PIEZO1: variants seen among roughly 807,000 people sequenced by gnomAD.
PIEZO1 encodes piezo type mechanosensitive ion channel component 1 (Er blood group), also known as piezo-type mechanosensitive ion channel component 1.
A neutral mutation model predicts 297.2 loss-of-function variants in PIEZO1; 296 were observed. The ratio of observed to expected loss-of-function variants is 1.00; its 90% CI spans 0.91 to 1.10. The LOEUF is 1.10. PIEZO1 is among the 50% of genes least tolerant of loss of function. The probability of loss-of-function intolerance (pLI) is 0.00; values close to 1 mark genes in which losing one functional copy is unlikely to be tolerated. For missense variants in PIEZO1, 5,018 were observed against 3,455.5 expected, an observed-to-expected ratio of 1.45 and a Z score of -11.34; for synonymous variants, 2,427 against 1,507.5, an observed-to-expected ratio of 1.61 and a Z score of -14.13.
At chr16:88,722,194 G>C (rs911934038) in intron 36 of PIEZO1, 24 bp downstream of exon 36, 3 of 1,539,986 alleles carry the variant, frequency 1.9e-6, no homozygotes, top group South Asian at 2.4e-5. Context: ...GGTGAGGCTG[G>C]TGTTGTGCGC....
At chr16:88,750,171 CA>C (rs532143931) in intron 1 of PIEZO1, among the ~76,000 whole-genome samples, 2 of 150,130 alleles carry the variant, frequency 1.3e-5, no homozygotes, top group Non-Finnish European at 3.0e-5. Context: ...CCTGTCTTGA[CA>C]AAAAAATACA....
intron 1 of PIEZO1, among the ~76,000 whole-genome samples, chr16:88,783,898 C>G (rs1050937220): frequency 6.6e-6 from 1 of 152,228 alleles, no homozygotes; most frequent in Non-Finnish European, 1.5e-5. Context: ...GGCAAGGGCT[C>G]CGAAAGGGCT....
At chr16:88,757,327 T>TGGGGGGGGGGGGG (rs200851830) in intron 1 of PIEZO1, among the ~76,000 whole-genome samples, 23 of 42,674 alleles carry the variant, frequency 5.4e-4, no homozygotes, top group East Asian at 9.7e-4. Flanking sequence ...GGCGGGGGGG[T>TGGGGGGGGGGGGG]GGGGGGTAGT....
chr16:88,749,612 G>T, intron 1 of PIEZO1, 133 bp from the exon 2 acceptor site: 2 of 652,688 alleles, frequency 3.1e-6, no homozygotes, highest in Non-Finnish European at 5.1e-6. Flanking sequence ...CTGAGCCAGA[G>T]CCGTGGAAGC....
chr16:88,773,190 C>G (rs191668827), intron 1 of PIEZO1, among the ~76,000 whole-genome samples: 4 of 152,242 alleles, frequency 2.6e-5, no homozygotes, highest in African/African-American at 7.2e-5. Flanking sequence ...TGAGCCTCCC[C>G]CTCTGGCCCC....
intron 1 of PIEZO1, among the ~76,000 whole-genome samples, chr16:88,766,307 C>G (rs77131058): frequency 1.3e-5 from 2 of 152,208 alleles, no homozygotes; most frequent in Non-Finnish European, 2.9e-5. Context: ...CAGAGAAGCC[C>G]GGCCTGAGCG....
chr16:88,733,204 G>A, intron 19 of PIEZO1, 74 bp downstream of exon 19: 3 of 1,365,928 alleles, frequency 2.2e-6, no homozygotes, highest in East Asian at 2.5e-5. Flanking sequence ...TGAGGCAGCT[G>A]CCCCAGGAGG....
chr16:88,747,065 G>A (rs1253335551), intron 2 of PIEZO1, among the ~76,000 whole-genome samples: 1 of 152,166 alleles, frequency 6.6e-6, no homozygotes, highest in Non-Finnish European at 1.5e-5. Context: ...TTCTACCCAT[G>A]ATCCAAGATC....
At chr16:88,744,686 C>A (rs559623150) in intron 2 of PIEZO1, among the ~76,000 whole-genome samples, 17 of 151,614 alleles carry the variant, frequency 1.1e-4, no homozygotes, top group Non-Finnish European at 2.1e-4. Context: ...GTTCAGTTCT[C>A]GGGCCGGCCA....
chr16:88,719,922 A>G lies in PIEZO1; in HGVS notation c.6203T>C (p.Phe2068Ser). Residue 2068 changes from phenylalanine to serine, a missense_variant, in exon 43 of 51, where the codon TTC becomes TCC. Physicochemically the swap from Phe to Ser is radical, Grantham distance 155. Transcript: ENST00000301015. ...NQNVVAQLWY[F>S]VKCIYFALSA... ...CAGGGCGAAGTAGATGCACTTCACGAAGTACCAGAGCTGGGCCACCACATT... is the reference window on the plus strand; with the variant it reads ...CAGGGCGAAGTAGATGCACTTCACGGAGTACCAGAGCTGGGCCACCACATT... 6.5e-7 allele frequency: 1 copy of G among 1,550,372 alleles called. No individual in the cohort carries two copies. Among genetic ancestry groups the G allele is most frequent in the Non-Finnish European group, 8.7e-7 (1 of 1,146,942 alleles).
rs1370834411 is a variant in PIEZO1 at position 88,737,733 on chromosome 16, C to G, written c.1102G>C (p.Asp368His). Residue 368 changes from aspartate (D) to histidine (H), a missense_variant, in exon 9 of 51, where the codon GAC (aspartate) becomes CAC (histidine). Asp to His is a moderately conservative substitution (Grantham distance 81). Coordinates refer to ENST00000301015, the MANE Select transcript of PIEZO1 (RefSeq NM_001142864.4). ...LDQWPQERESDQHVVPTAPDT... is the reference protein window; with the variant it reads ...LDQWPQERESHQHVVPTAPDT... The stretch of plus-strand genomic sequence containing the variant: ...CCACCTGCCTGGCTGCTCACCTGGT[C>G]AGACTCCCGTTCCTGGGGCCACTGG... 6.5e-7 allele frequency: 1 copy of G among 1,535,510 alleles called. No homozygotes were observed. The highest frequency in any genetic ancestry group is 2.4e-5 in the East Asian group (1 of 40,880).
rs1905645613 is a variant in PIEZO1, at chr16:88,741,391, TA to T, written c.465+86del. ...ACAACCAAAACGTCTACATCTGTTT[TA>T]AAAAGATTAAAATAACCCTCAAAAT... is the stretch of plus-strand genomic sequence containing the variant. On this transcript the variant is annotated intron_variant, in intron 5 of 50. Transcript: ENST00000301015. The T allele has an allele frequency of 1.4e-5, 17 of 1,254,666 alleles. No homozygotes were observed. In the South Asian group the frequency reaches 2.4e-4, roughly 18 times the overall value. The allele number at this position is 1,254,666 out of a possible 1,614,324, so 77.7% of individuals were successfully genotyped here. A position where few individuals can be genotyped will look rare whatever the true frequency, so the allele number is the denominator to read the frequency against.
At position 88,719,978 on chromosome 16, in the gene PIEZO1, G is replaced by C. The variant is rs1192180960; in HGVS notation, c.6165-18C>G. ...TGAACATCCTGGGGCGGGATGGCCAGGTCAAGGACCCCATCAGAAACAGCC... is the reference window on the plus strand; with the variant it reads ...TGAACATCCTGGGGCGGGATGGCCACGTCAAGGACCCCATCAGAAACAGCC... On this transcript the variant is annotated intron_variant, in intron 42 of 50. Coordinates refer to ENST00000301015, the MANE Select transcript of PIEZO1 (RefSeq NM_001142864.4). 1.9e-6 allele frequency: 3 copies of C among 1,549,942 alleles called. No individual in the cohort carries two copies. Among genetic ancestry groups the C allele is most frequent in the South Asian group, 1.2e-5 (1 of 84,068 alleles).
chr16:88,772,584 T>G (rs532195229), intron 1 of PIEZO1, among the ~76,000 whole-genome samples: 1 of 151,966 alleles, frequency 6.6e-6, no homozygotes, highest in East Asian at 1.9e-4. Flanking sequence ...ATCAAGACCA[T>G]CCTGGACAAC....
At chr16:88,763,804 C>G (rs1907036708) in intron 1 of PIEZO1, among the ~76,000 whole-genome samples, 1 of 152,306 alleles carries the variant, frequency 6.6e-6, no homozygotes, top group East Asian at 1.9e-4. Context: ...GCTGGCCCCG[C>G]CCCCAGCATT....
Position 88,715,422 on chromosome 16 carries a change from A to T in PIEZO1, c.*183T>A. ...CACGTGGGGGACGGCAGCGCCACGC[A>T]GGCCGTGGGGACGCAGTGTCCTTCT... On this transcript the variant is annotated 3_prime_UTR_variant, in exon 51 of 51. Coordinates refer to ENST00000301015, the MANE Select transcript of PIEZO1 (RefSeq NM_001142864.4). 1 of 925,060 alleles carries T rather than the reference A, an allele frequency of 1.1e-6. No homozygotes were observed. Among genetic ancestry groups the T allele is most frequent in the Non-Finnish European group, 1.6e-6 (1 of 626,768 alleles). The allele number at this position is 925,060 out of a possible 1,614,324, so 57.3% of individuals were successfully genotyped here.
intron 1 of PIEZO1, 23 bp downstream of exon 1, chr16:88,784,878 C>CA: frequency 7.0e-7 from 1 of 1,427,582 alleles, no homozygotes; most frequent in Non-Finnish European, 9.2e-7. Flanking sequence ...CCCGTCGCCC[C>CA]CAGGCGCCCG....
At position 88,723,078 on chromosome 16, in the gene PIEZO1, G is replaced by A; in HGVS notation, c.4495+17C>T. The A allele has an allele frequency of 4.5e-6, 7 of 1,546,746 alleles. No homozygotes were observed. The highest frequency in any genetic ancestry group is 6.1e-6 in the Non-Finnish European group (7 of 1,146,410). On this transcript the variant is annotated intron_variant, in intron 33 of 50. Coordinates refer to ENST00000301015, the MANE Select transcript of PIEZO1 (RefSeq NM_001142864.4). ...GCCAAGAGAGACCTCCCACTCCCCA[G>A]CCCCGGGCCCACGTACCTGCCGCTG...
intron 1 of PIEZO1, among the ~76,000 whole-genome samples, chr16:88,765,388 C>A (rs1345504615): frequency 3.9e-5 from 6 of 152,220 alleles, no homozygotes; most frequent in African/African-American, 1.2e-4. Context: ...GGGCAGGTGT[C>A]CAGGATGGTC....
Sources: gnomAD v4.1 joint callset for allele counts (sites outside exome capture counted in the v4.1 genomes callset) on GRCh38, gnomAD v4.1.1 for gene constraint, MANE v1.5 for transcripts, NCBI Gene and HGNC (gene_info 2026-07-23, HGNC 2026-07-21) for gene names.